SETD7: variants seen among roughly 807,000 people sequenced by gnomAD.
SETD7 encodes the protein SET domain containing 7, histone lysine methyltransferase.
In SETD7, 16 loss-of-function variants were observed where a neutral mutation model predicts 41.8. The observed-to-expected ratio is 0.38, with a 90% CI of 0.26 to 0.58. The LOEUF (loss-of-function observed/expected upper bound fraction) is 0.58, where lower values mean the gene tolerates loss of function less well. Among genes scored for constraint, SETD7 ranks in the 20% least tolerant of loss-of-function variants. SETD7 has a pLI of 0.64. For missense variants in SETD7, 346 were observed against 459.7 expected (o/e 0.75, Z 2.26); for synonymous variants, 163 against 169.7 (o/e 0.96, Z 0.31).
At chr4:139,540,098 A>G (rs1275236422) in intron 2 of SETD7, among the ~76,000 whole-genome samples, 1 of 152,206 alleles carries the variant, frequency 6.6e-6, no homozygotes, top group African/African-American at 2.4e-5. Context: ...TTTTCCCCTA[A>G]GCACCTTCTG....
At chr4:139,493,384 G>A (rs556295516), downstream of SETD7, among the ~76,000 whole-genome samples, 12 of 152,322 alleles carry the variant, frequency 7.9e-5, no homozygotes, top group South Asian at 2.1e-3. Context: ...AGGAACAGAA[G>A]GTCTGGCTGG....
In SETD7 at chr4:139,533,302, C is replaced by G. The variant is rs1375650347; in HGVS notation, c.235G>C (p.Gly79Arg). ...ACATACGTGCCCTGGAGAACTCCCC[C>G]ATCTTCGTAAGTGTAAACTCCCTGG... ...QGQGVYTYED[G>R]GVLQGTYVDG... The change falls in exon 3 of 8, where the codon GGG becomes CGG. Residue 79 changes from glycine to arginine, a missense_variant. Physicochemically the swap from Gly to Arg is moderately radical, Grantham distance 125 (BLOSUM62 -2). Transcript: ENST00000274031. The G allele has an allele frequency of 6.2e-7, 1 of 1,614,186 alleles. No individual in the cohort carries two copies. The highest frequency in any genetic ancestry group is 2.2e-5 in the East Asian group (1 of 44,888).
chr4:139,552,409 A>G (rs902392636), intron 1 of SETD7, among the ~76,000 whole-genome samples: 2 of 151,892 alleles, frequency 1.3e-5, no homozygotes, highest in African/African-American at 4.8e-5. Context: ...TTTTCCTGCC[A>G]TCATAACTGT....
At chr4:139,515,043 G>A (rs1369309765) in intron 7 of SETD7, among the ~76,000 whole-genome samples, 1 of 151,984 alleles carries the variant, frequency 6.6e-6, no homozygotes, top group Non-Finnish European at 1.5e-5. Context: ...GCGCATGCCT[G>A]TAATCCCAGC....
At chr4:139,524,266 A>T (rs1394973489) in intron 4 of SETD7, among the ~76,000 whole-genome samples, 1 of 152,170 alleles carries the variant, frequency 6.6e-6, no homozygotes, top group Non-Finnish European at 1.5e-5. Flanking sequence ...CCCAATGAAT[A>T]CCTGAAACTA....
intron 7 of SETD7, among the ~76,000 whole-genome samples, chr4:139,497,589 GTTTTTTT>G (rs1726487293): frequency 6.7e-6 from 1 of 149,764 alleles, no homozygotes; most frequent in Non-Finnish European, 1.5e-5. Flanking sequence ...TTGTTTTTTT[GTTTTTTT>G]GTTTTTTTTT....
chr4:139,493,529 T>C (rs569272599), downstream of SETD7, among the ~76,000 whole-genome samples: 113 of 151,790 alleles, frequency 7.4e-4, no homozygotes, highest in Non-Finnish European at 1.0e-3. Flanking sequence ...GATGGCAAGA[T>C]GTACTTTACT....
rs1413181154 is a variant in SETD7, at chr4:139,555,610, C to T, written c.40+488G>A. Among the ~76,000 whole-genome samples, 1 of 152,036 alleles carries T rather than the reference C, an allele frequency of 6.6e-6. No homozygotes were observed. The highest frequency in any genetic ancestry group is 2.1e-4 in the South Asian group (1 of 4,830). On this transcript the variant is annotated intron_variant, in intron 1 of 7. Transcript: ENST00000274031. This position sits in a 1 kb window ranked among gnomAD's most constrained non-coding sequence, Gnocchi z 4.0. Reference sequence around the variant, plus strand: ...CCCGTGCGCTGCGCCGGGGGACCTACCCGGACGGGGCCGCGGCCGCCGCGG... The same window carrying T: ...CCCGTGCGCTGCGCCGGGGGACCTATCCGGACGGGGCCGCGGCCGCCGCGG...
At chr4:139,496,441 G>A (rs536040467) in exon 8 of SETD7, 36 of 702,480 alleles carry the variant, frequency 5.1e-5, no homozygotes, top group African/African-American at 4.7e-4. Context: ...TACCCAGGGC[G>A]CTTGATCCAG....
At position 139,526,074 on chromosome 4, in the gene SETD7, A is replaced by G. The variant is rs529558953; in HGVS notation, c.563-2639T>C. 5.3e-5 allele frequency among the ~76,000 whole-genome samples: 8 copies of G among 151,096 alleles called. No individual in the cohort carries two copies. The East Asian group carries it at 1.5e-3, about 29-fold the overall frequency. ...TGTTTGTTTGTTTGTTTGTTTTGAGACAGAGTCTCTGTGTCACCCAGGCTG... is the reference window on the plus strand; with the variant it reads ...TGTTTGTTTGTTTGTTTGTTTTGAGGCAGAGTCTCTGTGTCACCCAGGCTG... On this transcript the variant is annotated intron_variant, in intron 4 of 7. Coordinates refer to ENST00000274031, the MANE Select transcript of SETD7 (RefSeq NM_030648.4).
chr4:139,540,094 C>T (rs1485276001), intron 2 of SETD7, among the ~76,000 whole-genome samples: 1 of 152,114 alleles, frequency 6.6e-6, no homozygotes, highest in Non-Finnish European at 1.5e-5. Flanking sequence ...CATCTTTTCC[C>T]CTAAGCACCT....
chr4:139,552,656 T>C lies in SETD7; in HGVS notation c.40+3442A>G, dbSNP rs530348788. Among the ~76,000 whole-genome samples, 6 of 152,282 alleles carry C rather than the reference T, an allele frequency of 3.9e-5. No individual in the cohort carries two copies. The South Asian group carries it at 1.0e-3, about 26-fold the overall frequency. Reference sequence around the variant, plus strand: ...TCCACTTTTCTCCTTGTAAGCTCCATGTTGCAGCAAAATCAAATGACTGTT... The same window carrying C: ...TCCACTTTTCTCCTTGTAAGCTCCACGTTGCAGCAAAATCAAATGACTGTT... On this transcript the variant is annotated intron_variant, in intron 1 of 7. Coordinates refer to ENST00000274031, the MANE Select transcript of SETD7 (RefSeq NM_030648.4).
intron 4 of SETD7, among the ~76,000 whole-genome samples, chr4:139,527,060 T>A (rs1727353278): frequency 6.6e-6 from 1 of 152,186 alleles, no homozygotes. Flanking sequence ...TATGCAAACA[T>A]CAGAGAGTGT....
intron 1 of SETD7, among the ~76,000 whole-genome samples, chr4:139,549,429 T>C (rs184161695): frequency 1.3e-5 from 2 of 152,336 alleles, no homozygotes; most frequent in East Asian, 3.9e-4. Flanking sequence ...AAGTGTCATA[T>C]AACATACTGT....
At chr4:139,504,109 A>G (rs552524648), downstream of SETD7, among the ~76,000 whole-genome samples, 1 of 152,292 alleles carries the variant, frequency 6.6e-6, no homozygotes, top group African/African-American at 2.4e-5. Flanking sequence ...ACTTCTTGTT[A>G]TGTGAGATAG....
intron 7 of SETD7, among the ~76,000 whole-genome samples, chr4:139,512,259 G>A (rs1407267482): frequency 6.6e-6 from 1 of 152,220 alleles, no homozygotes; most frequent in African/African-American, 2.4e-5. Context: ...ATCAGATTAC[G>A]TGGCTGTATC....
chr4:139,550,444 T>C (rs1453910965), intron 1 of SETD7, among the ~76,000 whole-genome samples: 1 of 152,096 alleles, frequency 6.6e-6, no homozygotes, highest in Non-Finnish European at 1.5e-5. Context: ...TGTGATCAAT[T>C]AAAGGAACTA....
At chr4:139,526,874 C>G (rs972276951) in intron 4 of SETD7, among the ~76,000 whole-genome samples, 6 of 152,244 alleles carry the variant, frequency 3.9e-5, no homozygotes, top group African/African-American at 1.4e-4. Context: ...ATAACACTGT[C>G]TCCTTTCAGA....
chr4:139,548,069 G>A (rs544593418), intron 1 of SETD7: 1 of 152,332 alleles, frequency 6.6e-6, no homozygotes, highest in South Asian at 2.1e-4. Context: ...GCAGAGGTGG[G>A]TGAAAATGAA....
Sources: allele counts gnomAD v4.1 joint callset (sites outside exome capture counted in the v4.1 genomes callset), GRCh38; gene constraint gnomAD v4.1.1; non-coding constraint Gnocchi (gnomAD v3.1); transcripts MANE v1.5; gene names NCBI Gene and HGNC (gene_info 2026-07-23, HGNC 2026-07-21).